The following NOS1AP variants were observed in gnomAD, a reference collection of about 807,000 sequenced individuals.
NOS1AP encodes nitric oxide synthase 1 adaptor protein.
A neutral mutation model predicts 56.2 loss-of-function variants in NOS1AP; 21 were observed. The ratio of observed to expected loss-of-function variants is 0.37; its 90% CI spans 0.26 to 0.54. The LOEUF is 0.54. Among genes scored for constraint, NOS1AP ranks in the 20% least tolerant of loss-of-function variants. The pLI is 0.84. For synonymous variants in NOS1AP, 270 were observed against 274.6 expected (o/e 0.98, Z 0.17); for missense variants, 522 against 657.8 (o/e 0.79, Z 2.26).
intron 2 of NOS1AP, among the ~76,000 whole-genome samples, chr1:162,177,771 A>T (rs1651115430): frequency 6.6e-6 from 1 of 152,210 alleles, no homozygotes. Flanking sequence ...CTGCACATGC[A>T]CAATGTCCCC....
intron 2 of NOS1AP, among the ~76,000 whole-genome samples, chr1:162,224,617 T>C (rs906761907): frequency 5.3e-5 from 8 of 152,174 alleles, no homozygotes; most frequent in Non-Finnish European, 1.2e-4. Flanking sequence ...AGCTTTACTT[T>C]AACTAATTAA....
At chr1:162,261,533 A>AG in intron 2 of NOS1AP, among the ~76,000 whole-genome samples, 1 of 8,894 alleles carries the variant, frequency 1.1e-4, no homozygotes, top group African/African-American at 2.8e-4. Flanking sequence ...AGAGAGAGAG[A>AG]GAGAGAGAGA....
intron 6 of NOS1AP, among the ~76,000 whole-genome samples, chr1:162,353,596 AT>A (rs1385048906): frequency 1.3e-4 from 20 of 152,170 alleles, no homozygotes; most frequent in African/African-American, 4.6e-4. Context: ...CCAGAGAAAC[AT>A]TTTTAGGAAA....
intron 6 of NOS1AP, among the ~76,000 whole-genome samples, chr1:162,346,969 T>G (rs898642439): frequency 6.6e-6 from 1 of 152,182 alleles, no homozygotes; most frequent in Non-Finnish European, 1.5e-5. Flanking sequence ...CATTTTTCCA[T>G]CTCTGTGATC....
intron 1 of NOS1AP, among the ~76,000 whole-genome samples, chr1:162,092,423 C>CT (rs1343359477): frequency 6.6e-6 from 1 of 152,162 alleles, no homozygotes; most frequent in Non-Finnish European, 1.5e-5. Context: ...TCCTGTTGAA[C>CT]TTTTCATGCC....
Position 162,367,161 on chromosome 1 carries a change from C to G in NOS1AP, c.1215C>G (p.Gly405=). ...KPEDLHSPPL[G]AGLADFAHPA... ...AGGACCTGCATTCGCCGCCGCTGGG[C>G]GCGGGCTTGGCTGACTTTGCCCACC... The change falls in exon 10 of 10, where the codon GGC becomes GGG. Residue 405 remains glycine, a synonymous_variant. Transcript: ENST00000361897. This position sits in a 1 kb window ranked among gnomAD's most constrained non-coding sequence, Gnocchi z 6.5. 1 of 1,613,852 alleles carries G rather than the reference C, an allele frequency of 6.2e-7. No individual in the cohort carries two copies. The highest frequency in any genetic ancestry group is 8.5e-7 in the Non-Finnish European group (1 of 1,179,968).
Position 162,333,073 on chromosome 1 carries a change from G to A in NOS1AP, c.401G>A (p.Arg134Gln), listed in dbSNP as rs759889896. Residue 134 changes from arginine (R) to glutamine (Q), a missense_variant, in exon 5 of 10, where the codon CGA (arginine) becomes CAA (glutamine). Arg to Gln is a conservative substitution (Grantham distance 43, BLOSUM62 1). Coordinates refer to ENST00000361897, the MANE Select transcript of NOS1AP (RefSeq NM_014697.3). ...TTGAAGATCTTCAGCTATATCGCTC[G>A]AGATGGTGCCAGCAATATCTTCAGG... ...QDLKIFSYIA[R>Q]DGASNIFRCN... 20 of 1,613,776 alleles carry A rather than the reference G, an allele frequency of 1.2e-5. No homozygotes were observed. The highest frequency in any genetic ancestry group is 4.5e-5 in the East Asian group (2 of 44,870).
intron 1 of NOS1AP, among the ~76,000 whole-genome samples, chr1:162,123,436 T>C (rs1648332940): frequency 6.6e-6 from 1 of 152,232 alleles, no homozygotes; most frequent in Non-Finnish European, 1.5e-5. Context: ...CCTCCCAAAG[T>C]GCTGGGATTA....
At chr1:162,256,848 G>A (rs551137788) in intron 2 of NOS1AP, among the ~76,000 whole-genome samples, 2 of 152,278 alleles carry the variant, frequency 1.3e-5, no homozygotes, top group Middle Eastern at 3.4e-3. Context: ...TCTTGAACCA[G>A]ATCCCAGAGT....
chr1:162,088,626 G>C (rs544497005), intron 1 of NOS1AP, among the ~76,000 whole-genome samples: 24 of 152,324 alleles, frequency 1.6e-4, no homozygotes, highest in Admixed American at 1.5e-3. Flanking sequence ...TAGGAGGGTG[G>C]TGGTGAGGAG....
At chr1:162,246,569 A>T (rs1248928703) in intron 2 of NOS1AP, among the ~76,000 whole-genome samples, 1 of 152,204 alleles carries the variant, frequency 6.6e-6, no homozygotes, top group Non-Finnish European at 1.5e-5. Context: ...ATTAATACAC[A>T]TAGGATTAAG....
chr1:162,223,540 T>C (rs1652852274), intron 2 of NOS1AP, among the ~76,000 whole-genome samples: 1 of 152,134 alleles, frequency 6.6e-6, no homozygotes, highest in Non-Finnish European at 1.5e-5. Context: ...GGCTCCAAGG[T>C]CAAGACGTAG....
chr1:162,123,706 G>A (rs1648347938), intron 1 of NOS1AP, among the ~76,000 whole-genome samples: 1 of 151,898 alleles, frequency 6.6e-6, no homozygotes, highest in South Asian at 2.1e-4. Context: ...ACAAAAATAG[G>A]ATGAAGGACT....
At chr1:162,282,883 A>G (rs1317074307) in intron 2 of NOS1AP, among the ~76,000 whole-genome samples, 1 of 152,224 alleles carries the variant, frequency 6.6e-6, no homozygotes, top group Admixed American at 6.5e-5. Context: ...ACCTTGACTC[A>G]TAAGCAGGTC....
chr1:162,300,488 C>G, intron 3 of NOS1AP, 145 bp from the exon 4 acceptor site: 1 of 735,130 alleles, frequency 1.4e-6, no homozygotes, highest in Non-Finnish European at 2.5e-6. Context: ...ATTTTGCACT[C>G]GTCGTTTTGG....
rs537072471 is a variant in NOS1AP, at chr1:162,200,950, T to C, written c.177+46474T>C. On this transcript the variant is annotated intron_variant, in intron 2 of 9. Transcript: ENST00000361897. ...TAAGTTGAGTCCATGTGCAGGTTTG[T>C]TACGTAGGTAAACATGTGTCATAGG... Among the ~76,000 whole-genome samples, 58 of 152,336 alleles carry C rather than the reference T, an allele frequency of 3.8e-4. 2 individuals carry two copies. In the South Asian group the frequency reaches 0.012, roughly 31 times the overall value.
chr1:162,264,608 G>A (rs1275230974), intron 2 of NOS1AP, among the ~76,000 whole-genome samples: 1 of 150,904 alleles, frequency 6.6e-6, no homozygotes, highest in Non-Finnish European at 1.5e-5. Context: ...CTATGTTCAA[G>A]TGATTCTCGT....
At chr1:162,303,444 C>T (rs1362764976) in intron 4 of NOS1AP, among the ~76,000 whole-genome samples, 1 of 151,986 alleles carries the variant, frequency 6.6e-6, no homozygotes, top group Non-Finnish European at 1.5e-5. Context: ...TAAATATCAT[C>T]TTTTTGTTTG....
Position 162,355,364 on chromosome 1 carries a change from G to A in NOS1AP, c.762+11G>A, listed in dbSNP as rs759183802. 9.9e-6 allele frequency: 16 copies of A among 1,613,936 alleles called. No individual in the cohort carries two copies. Among genetic ancestry groups the A allele is most frequent in the Non-Finnish European group, 9.3e-6 (11 of 1,180,024 alleles). ...CACACAGGCTCCAAGGTAGGCAAGA[G>A]ATGGCCCATCTGTGTGATCTGCACA... On this transcript the variant is annotated intron_variant, in intron 7 of 9. Coordinates refer to ENST00000361897, the MANE Select transcript of NOS1AP (RefSeq NM_014697.3).
Sources: gnomAD v4.1 joint callset for allele counts (sites outside exome capture counted in the v4.1 genomes callset) on GRCh38, gnomAD v4.1.1 for gene constraint, Gnocchi (gnomAD v3.1) non-coding constraint, MANE v1.5 for transcripts, NCBI Gene and HGNC (gene_info 2026-07-23, HGNC 2026-07-21) for gene names.